GRAMD2A: variants seen among roughly 807,000 people sequenced by gnomAD.
GRAMD2A encodes the protein GRAM domain-containing protein 2A.
A neutral mutation model predicts 51.1 loss-of-function variants in GRAMD2A; 37 were observed. The observed-to-expected ratio is 0.72, with a 90% confidence interval of 0.56 to 0.95. The LOEUF (loss-of-function observed/expected upper bound fraction) is 0.95. GRAMD2A is among the 40% of genes least tolerant of loss of function. The pLI, the probability that GRAMD2A is intolerant of heterozygous loss-of-function variation, is 0.00. For synonymous variants in GRAMD2A, 136 were observed against 157.1 expected (o/e 0.87, Z 1.01); for missense variants, 414 against 426.9 (o/e 0.97, Z 0.27).
chr15:72,178,151 T>C (rs1485518983), intron 1 of GRAMD2A, among the ~76,000 whole-genome samples: 1 of 152,170 alleles, frequency 6.6e-6, no homozygotes, highest in African/African-American at 2.4e-5. Flanking sequence ...TCCACCTGCC[T>C]GGGCTCTGAA....
At chr15:72,163,138 A>C in intron 10 of GRAMD2A, 128 bp downstream of exon 10, 1 of 645,632 alleles carries the variant, frequency 1.5e-6, no homozygotes, top group Non-Finnish European at 2.7e-6. Context: ...ATACCACCCA[A>C]GAGCTTGAAT....
intron 1 of GRAMD2A, among the ~76,000 whole-genome samples, chr15:72,179,268 C>T (rs1395589025): frequency 6.6e-6 from 1 of 152,224 alleles, no homozygotes; most frequent in Non-Finnish European, 1.5e-5. Flanking sequence ...TGGTGTGCTC[C>T]AGGCCCAGGA....
At position 72,181,944 on chromosome 15, in the gene GRAMD2A, A is replaced by G. The variant is rs372136001; in HGVS notation, c.42-12005T>C. 5.1e-4 allele frequency among the ~76,000 whole-genome samples: 78 copies of G among 152,360 alleles called. 1 individual carries two copies. The highest frequency in any genetic ancestry group is 3.4e-3 in the Middle Eastern group (1 of 294). Reference sequence around the variant, plus strand: ...GGAAAGTGGGTACACAAGGAACAGAAGCTATCAACAAGAATGCCAAGACTT... The same window carrying G: ...GGAAAGTGGGTACACAAGGAACAGAGGCTATCAACAAGAATGCCAAGACTT... On this transcript the variant is annotated intron_variant, in intron 1 of 11. Transcript: ENST00000309731.
intron 9 of GRAMD2A, 30 bp from the exon 10 acceptor site, chr15:72,163,506 G>C (rs2081504667): frequency 6.2e-7 from 1 of 1,604,568 alleles, no homozygotes; most frequent in Non-Finnish European, 8.5e-7. Context: ...AAAAAAATCA[G>C]CTCTCAGAAG....
chr15:72,190,316 T>C (rs2140560565), intron 1 of GRAMD2A, among the ~76,000 whole-genome samples: 1 of 152,228 alleles, frequency 6.6e-6, no homozygotes, highest in Admixed American at 6.5e-5. Context: ...GAGGCGGAGC[T>C]TGCAGTGAGC....
chr15:72,181,138 T>C (rs1596693887), intron 1 of GRAMD2A, among the ~76,000 whole-genome samples: 1 of 152,146 alleles, frequency 6.6e-6, no homozygotes, highest in Non-Finnish European at 1.5e-5. Flanking sequence ...GAAAGCTAAA[T>C]AGAGCCTTTG....
chr15:72,165,954 C>T (rs926643249), intron 7 of GRAMD2A, among the ~76,000 whole-genome samples: 1 of 152,056 alleles, frequency 6.6e-6, no homozygotes, highest in Non-Finnish European at 1.5e-5. Flanking sequence ...CTACAACCTC[C>T]TCCTCCCGGG....
At chr15:72,192,107 T>C (rs2081771885) in intron 1 of GRAMD2A, among the ~76,000 whole-genome samples, 1 of 152,228 alleles carries the variant, frequency 6.6e-6, no homozygotes, top group Admixed American at 6.5e-5. Flanking sequence ...GATAAAATAA[T>C]ATAATAGCTA....
chr15:72,186,516 G>T (rs974034998), intron 1 of GRAMD2A, among the ~76,000 whole-genome samples: 1 of 151,878 alleles, frequency 6.6e-6, no homozygotes, highest in African/African-American at 2.4e-5. Context: ...GTAGAGACAG[G>T]GTTTCACTGT....
chr15:72,160,375 G>A lies in GRAMD2A; in HGVS notation c.*1634C>T, dbSNP rs1304874390. ...AAAGGATGACCATTCATGGAACAGTGAGTTTCACCTGAGACATACAGATTT... is the reference window on the plus strand; with the variant it reads ...AAAGGATGACCATTCATGGAACAGTAAGTTTCACCTGAGACATACAGATTT... On this transcript the variant is annotated 3_prime_UTR_variant, in exon 12 of 12. Coordinates refer to ENST00000309731, the MANE Select transcript of GRAMD2A (RefSeq NM_001012642.3). 3 of 149,424 alleles carry A rather than the reference G, an allele frequency of 2.0e-5. No homozygotes were observed. Among genetic ancestry groups the A allele is most frequent in the Non-Finnish European group, 4.4e-5 (3 of 67,716 alleles). The allele number at this position is 149,424 out of a possible 1,614,324, so 9.3% of individuals were successfully genotyped here.
At chr15:72,185,592 A>T (rs2081729908) in intron 1 of GRAMD2A, among the ~76,000 whole-genome samples, 1 of 152,274 alleles carries the variant, frequency 6.6e-6, no homozygotes, top group Non-Finnish European at 1.5e-5. Flanking sequence ...GAGAGCAAGA[A>T]AATTTTGAAA....
At position 72,166,274 on chromosome 15, in the gene GRAMD2A, G is replaced by A. The variant is rs2081543179; in HGVS notation, c.543+358C>T. 2.6e-5 allele frequency among the ~76,000 whole-genome samples: 4 copies of A among 152,236 alleles called. No individual in the cohort carries two copies. Among genetic ancestry groups the A allele is most frequent in the Admixed American group, 1.3e-4 (2 of 15,294 alleles). On this transcript the variant is annotated intron_variant, in intron 7 of 11. Transcript: ENST00000309731. The surrounding 1 kb of genome is among the most constrained non-coding windows in gnomAD (Gnocchi z 4.1). ...TAGGCTAATGAAAGCATTCTGAGAT[G>A]TTTAAGGGAGGTGAGGCTAAGCTAC...
intron 1 of GRAMD2A, among the ~76,000 whole-genome samples, chr15:72,184,776 G>A (rs1247716653): frequency 6.6e-6 from 1 of 152,204 alleles, no homozygotes; most frequent in African/African-American, 2.4e-5. Context: ...ACCTTGTCCT[G>A]GAGGTTCCAG....
chr15:72,186,055 A>G (rs751133986), intron 1 of GRAMD2A, among the ~76,000 whole-genome samples: 1 of 152,214 alleles, frequency 6.6e-6, no homozygotes, highest in Non-Finnish European at 1.5e-5. Context: ...GGTATTCTTC[A>G]TATGTAGGGA....
intron 1 of GRAMD2A, among the ~76,000 whole-genome samples, chr15:72,193,918 G>T (rs2081787367): frequency 6.6e-6 from 1 of 152,218 alleles, no homozygotes; most frequent in Admixed American, 6.5e-5. Context: ...TGAGAACAAT[G>T]CCTGTCTTTT....
intron 1 of GRAMD2A, among the ~76,000 whole-genome samples, chr15:72,185,343 G>A (rs147582090): frequency 9.2e-5 from 14 of 152,144 alleles, no homozygotes; most frequent in African/African-American, 3.4e-4. Flanking sequence ...ACAGGCACGT[G>A]CCACCATACC....
chr15:72,167,029 T>G lies in GRAMD2A; in HGVS notation c.436A>C (p.Asn146His). The G allele has an allele frequency of 4.3e-6, 7 of 1,614,066 alleles. No homozygotes were observed. Among genetic ancestry groups the G allele is most frequent in the Non-Finnish European group, 5.9e-6 (7 of 1,179,986 alleles). The part of the protein sequence containing the change: ...KKHKMARLLP[N>H]GLAITTNTSQ... ...GTGTTGGTGGTGATGGCCAGTCCAT[T>G]GGGAAGGAGCCGTGCCATCTTGTGT... Residue 146 changes from asparagine to histidine, a missense_variant, in exon 6 of 12, where the codon AAT becomes CAT. Coordinates refer to ENST00000309731, the MANE Select transcript of GRAMD2A (RefSeq NM_001012642.3).
chr15:72,163,218 C>T, intron 10 of GRAMD2A, 48 bp downstream of exon 10: 5 of 1,316,918 alleles, frequency 3.8e-6, no homozygotes, highest in Non-Finnish European at 5.5e-6. Context: ...GTTCCAAGCA[C>T]CTAGACATGC....
intron 1 of GRAMD2A, among the ~76,000 whole-genome samples, chr15:72,187,610 C>T (rs563954703): frequency 2.1e-4 from 32 of 152,234 alleles, no homozygotes; most frequent in Admixed American, 2.1e-3. Context: ...GCCTGCTGGG[C>T]TCAAGCAATT....
Sources: gnomAD v4.1 joint callset for allele counts (sites outside exome capture counted in the v4.1 genomes callset) on GRCh38, gnomAD v4.1.1 for gene constraint, Gnocchi (gnomAD v3.1) non-coding constraint, MANE v1.5 for transcripts, NCBI Gene and HGNC (gene_info 2026-07-23, HGNC 2026-07-21) for gene names.